The following ANKS1B variants were observed in gnomAD, a reference collection of about 807,000 sequenced individuals.
ANKS1B encodes the protein ankyrin repeat and sterile alpha motif domain containing 1B, also known as ankyrin repeat and sterile alpha motif domain-containing protein 1B.
In ANKS1B, 36 loss-of-function variants were observed where a neutral mutation model predicts 148.3. That is an observed-to-expected ratio of 0.24 (90% CI 0.19 to 0.32). The LOEUF (loss-of-function observed/expected upper bound fraction) is 0.32, where lower values mean the gene tolerates loss of function less well. ANKS1B is among the 10% of genes least tolerant of loss of function. The pLI, the probability that ANKS1B is intolerant of heterozygous loss-of-function variation, is 1.00. For synonymous variants in ANKS1B, 542 were observed against 560.8 expected, an observed-to-expected ratio of 0.97 and a Z score of 0.47; for missense variants, 1,157 against 1,542.6, an observed-to-expected ratio of 0.75 and a Z score of 4.19.
chr12:99,938,129 A>G (rs2094826470), intron 1 of ANKS1B, among the ~76,000 whole-genome samples: 1 of 152,178 alleles, frequency 6.6e-6, no homozygotes, highest in Non-Finnish European at 1.5e-5. Context: ...TGACTATGTG[A>G]TTATGTTACA....
chr12:99,243,245 A>T (rs1204826660), intron 14 of ANKS1B, among the ~76,000 whole-genome samples: 1 of 152,244 alleles, frequency 6.6e-6, no homozygotes, highest in East Asian at 1.9e-4. Context: ...TCAAAAGAAG[A>T]CATCTATCTA....
intron 10 of ANKS1B, among the ~76,000 whole-genome samples, chr12:99,458,864 C>G (rs2095894135): frequency 6.6e-6 from 1 of 151,826 alleles, no homozygotes; most frequent in Admixed American, 6.6e-5. Flanking sequence ...CTGTTGATAT[C>G]TATTCCAAAA....
At chr12:99,883,566 C>T (rs12818278) in intron 1 of ANKS1B, among the ~76,000 whole-genome samples, 2,976 of 151,922 alleles carry the variant, frequency 0.02, 47 homozygotes, top group Non-Finnish European at 0.032. Flanking sequence ...AACTCTTGCT[C>T]TGCCAAAGAC....
At chr12:99,196,432 G>T (rs765475403) in intron 14 of ANKS1B, among the ~76,000 whole-genome samples, 11 of 152,072 alleles carry the variant, frequency 7.2e-5, no homozygotes, top group Non-Finnish European at 1.3e-4. Flanking sequence ...TGCATCAGCT[G>T]TCACCTGGAA....
At chr12:99,723,365 C>T (rs1245636484) in intron 8 of ANKS1B, among the ~76,000 whole-genome samples, 1 of 152,176 alleles carries the variant, frequency 6.6e-6, no homozygotes, top group African/African-American at 2.4e-5. Flanking sequence ...GCACAACACA[C>T]CGGCTGTGGC....
At chr12:99,158,635 CAA>C (rs1228185488) in intron 14 of ANKS1B, among the ~76,000 whole-genome samples, 1 of 152,182 alleles carries the variant, frequency 6.6e-6, no homozygotes, top group African/African-American at 2.4e-5. Flanking sequence ...AACCAACCAT[CAA>C]AGTCTTTGCA....
intron 9 of ANKS1B, among the ~76,000 whole-genome samples, chr12:99,623,372 C>G (rs2098077553): frequency 6.6e-6 from 1 of 151,840 alleles, no homozygotes; most frequent in Non-Finnish European, 1.5e-5. Context: ...CTCTCACCAC[C>G]CCTATTCAAC....
At chr12:98,849,960 C>T (rs374194715) in intron 17 of ANKS1B, among the ~76,000 whole-genome samples, 1 of 152,110 alleles carries the variant, frequency 6.6e-6, no homozygotes, top group African/African-American at 2.4e-5. Context: ...GACTGACTGC[C>T]AAGCAATTTA....
chr12:99,387,408 G>C (rs1346915713), intron 12 of ANKS1B, among the ~76,000 whole-genome samples: 1 of 152,110 alleles, frequency 6.6e-6, no homozygotes, highest in African/African-American at 2.4e-5. Context: ...ACAAGGTCAG[G>C]AGATGGAGAC....
chr12:99,029,082 G>A (rs2099950490), intron 17 of ANKS1B, among the ~76,000 whole-genome samples: 1 of 152,166 alleles, frequency 6.6e-6, no homozygotes, highest in Admixed American at 6.5e-5. Context: ...TCTGTGCTAA[G>A]TGAATCAAGC....
intron 11 of ANKS1B, among the ~76,000 whole-genome samples, chr12:99,439,069 T>G (rs1267394603): frequency 1.3e-5 from 2 of 151,788 alleles, no homozygotes; most frequent in African/African-American, 2.4e-5. Flanking sequence ...AATTAAAATA[T>G]GAAAGCAATA....
At chr12:99,506,643 G>GA (rs2096714954) in intron 9 of ANKS1B, among the ~76,000 whole-genome samples, 1 of 151,926 alleles carries the variant, frequency 6.6e-6, no homozygotes. Flanking sequence ...ACAAAGGGGG[G>GA]ATGGAGAAAA....
Position 98,782,092 on chromosome 12 carries a change from G to C in ANKS1B, c.3354+34C>G, listed in dbSNP as rs17028679. 16,858 of 1,575,764 alleles carry C rather than the reference G, an allele frequency of 0.011. 1,345 individuals carry two copies. The African/African-American group carries it at 0.18, about 17-fold the overall frequency. On this transcript the variant is annotated intron_variant, in intron 23 of 26. Transcript: ENST00000683438. The stretch of plus-strand genomic sequence containing the variant: ...ACTTCATTGCCCTCTATATATACTA[G>C]TAATAATCACACTAAACATCAAGAA...
At chr12:99,721,054 T>A (rs560064221) in intron 8 of ANKS1B, among the ~76,000 whole-genome samples, 1 of 152,286 alleles carries the variant, frequency 6.6e-6, no homozygotes, top group South Asian at 2.1e-4. Context: ...TCCGTTCAGT[T>A]TTTCAATTCA....
chr12:99,043,036 A>G (rs559759737), intron 17 of ANKS1B, among the ~76,000 whole-genome samples: 11 of 152,288 alleles, frequency 7.2e-5, no homozygotes, highest in African/African-American at 2.6e-4. Flanking sequence ...TTCTCTCCAT[A>G]CCACTCATGT....
intron 7 of ANKS1B, among the ~76,000 whole-genome samples, chr12:99,774,952 G>A (rs1382447363): frequency 6.6e-6 from 1 of 151,978 alleles, no homozygotes; most frequent in Non-Finnish European, 1.5e-5. Flanking sequence ...AAAAGTCAAA[G>A]TCATAAAACA....
chr12:99,316,094 A>G (rs557436840), intron 12 of ANKS1B, among the ~76,000 whole-genome samples: 1 of 152,318 alleles, frequency 6.6e-6, no homozygotes, highest in African/African-American at 2.4e-5. Context: ...GGTTGGTTCC[A>G]AGTCTTTACT....
chr12:99,475,288 A>T (rs897880215), intron 10 of ANKS1B, among the ~76,000 whole-genome samples: 2 of 151,534 alleles, frequency 1.3e-5, no homozygotes, highest in Non-Finnish European at 2.9e-5. Flanking sequence ...TTAAGTTTTA[A>T]AGTAAAATAT....
At chr12:98,981,548 C>A (rs770975524) in intron 17 of ANKS1B, among the ~76,000 whole-genome samples, 2 of 152,036 alleles carry the variant, frequency 1.3e-5, no homozygotes, top group Non-Finnish European at 2.9e-5. Flanking sequence ...GTTGGCCAGG[C>A]TGGTCTCAAA....
Sources: allele counts gnomAD v4.1 joint callset (sites outside exome capture counted in the v4.1 genomes callset), GRCh38; gene constraint gnomAD v4.1.1; transcripts MANE v1.5; gene names NCBI Gene and HGNC (gene_info 2026-07-23, HGNC 2026-07-21).